CDK14: variants seen among roughly 807,000 people sequenced by gnomAD.
The protein encoded by CDK14 is cyclin dependent kinase 14, also known as cyclin-dependent kinase 14.
A neutral mutation model predicts 60.7 loss-of-function variants in CDK14; 34 were observed. The observed-to-expected ratio is 0.56, with a 90% CI of 0.43 to 0.75. CDK14 has a LOEUF of 0.75. Ranked by LOEUF, CDK14 falls within the 30% of genes least tolerant of loss-of-function variation. The pLI is 0.00. For synonymous variants in CDK14, 197 were observed against 203.7 expected, an observed-to-expected ratio of 0.97 and a Z score of 0.28; for missense variants, 482 against 564.1, an observed-to-expected ratio of 0.85 and a Z score of 1.47.
chr7:90,944,263 G>A (rs1794029182), intron 8 of CDK14, among the ~76,000 whole-genome samples: 1 of 152,136 alleles, frequency 6.6e-6, no homozygotes, highest in South Asian at 2.1e-4. Flanking sequence ...ACAAAAAAAT[G>A]GACTAAGACA....
chr7:90,806,628 C>G (rs6950853), intron 5 of CDK14, among the ~76,000 whole-genome samples: 30,904 of 152,186 alleles, frequency 0.2, 3,278 homozygotes, highest in South Asian at 0.24. Flanking sequence ...GTGCAGGACA[C>G]TGAGTGCAGT....
chr7:90,671,776 A>G (rs1011474393), intron 2 of CDK14, among the ~76,000 whole-genome samples: 1 of 152,238 alleles, frequency 6.6e-6, no homozygotes, highest in Non-Finnish European at 1.5e-5. Flanking sequence ...TGTGGTTATG[A>G]AACTTGCATA....
chr7:90,900,655 A>G (rs1023206694), intron 7 of CDK14, among the ~76,000 whole-genome samples: 4 of 152,078 alleles, frequency 2.6e-5, no homozygotes, highest in African/African-American at 9.7e-5. Context: ...TTGATCACCC[A>G]GCTAGTGAGA....
intron 14 of CDK14, among the ~76,000 whole-genome samples, chr7:91,127,539 C>T (rs925983915): frequency 6.6e-6 from 1 of 152,100 alleles, no homozygotes; most frequent in Non-Finnish European, 1.5e-5. Flanking sequence ...TCCGGATTCA[C>T]GTGCAGTCTC....
At chr7:91,029,254 G>A (rs984503768) in intron 10 of CDK14, among the ~76,000 whole-genome samples, 4 of 152,076 alleles carry the variant, frequency 2.6e-5, no homozygotes, top group African/African-American at 9.7e-5. Flanking sequence ...ATAATGTGGT[G>A]CCTCCAGCTT....
chr7:91,118,012 T>C (rs1401381175), intron 13 of CDK14, 53 bp from the exon 14 acceptor site: 10 of 1,029,254 alleles, frequency 9.7e-6, no homozygotes, highest in Non-Finnish European at 1.0e-5. Flanking sequence ...AAAAAAAACA[T>C]GATTATAAAT....
intron 2 of CDK14, among the ~76,000 whole-genome samples, chr7:90,659,875 CTGTGTGTGTGTG>C (rs149308809): frequency 7.7e-6 from 1 of 129,048 alleles, no homozygotes; most frequent in African/African-American, 3.0e-5. Flanking sequence ...CTCTCTCTCT[CTGTGTGTGTGTG>C]TGTGTGTGTG....
intron 2 of CDK14, among the ~76,000 whole-genome samples, chr7:90,705,431 C>T (rs1801876621): frequency 6.6e-6 from 1 of 152,058 alleles, no homozygotes; most frequent in Non-Finnish European, 1.5e-5. Context: ...TTTGGCCCCA[C>T]CTGTCCTTCA....
intron 9 of CDK14, among the ~76,000 whole-genome samples, chr7:90,956,516 A>G (rs964977075): frequency 6.6e-6 from 1 of 152,180 alleles, no homozygotes; most frequent in African/African-American, 2.4e-5. Context: ...ACTGTTGAAC[A>G]TATCTTTTAT....
chr7:91,140,689 A>G (rs1279161825), intron 14 of CDK14, among the ~76,000 whole-genome samples: 2 of 152,108 alleles, frequency 1.3e-5, no homozygotes, highest in East Asian at 1.9e-4. Context: ...CAGTTTTTCC[A>G]TCTATAAATC....
intron 14 of CDK14, among the ~76,000 whole-genome samples, chr7:91,123,829 G>T (rs1201800697): frequency 6.6e-6 from 1 of 151,966 alleles, no homozygotes; most frequent in East Asian, 1.9e-4. Context: ...CCACCTACTG[G>T]GATTGTCACA....
At chr7:91,000,844 GTAAC>G (rs1319895358) in intron 10 of CDK14, among the ~76,000 whole-genome samples, 2 of 152,166 alleles carry the variant, frequency 1.3e-5, no homozygotes, top group Non-Finnish European at 2.9e-5. Context: ...GGTCAACAGA[GTAAC>G]TAAGAGGATT....
intron 8 of CDK14, among the ~76,000 whole-genome samples, chr7:90,944,916 G>A (rs1794054901): frequency 6.6e-6 from 1 of 152,204 alleles, no homozygotes; most frequent in Non-Finnish European, 1.5e-5. Flanking sequence ...GCAAGTCAGG[G>A]AAGCTTCTGG....
At chr7:90,705,259 A>C (rs764817687) in intron 2 of CDK14, among the ~76,000 whole-genome samples, 2 of 151,818 alleles carry the variant, frequency 1.3e-5, no homozygotes, top group Admixed American at 6.6e-5. Context: ...TTCTTCCCTC[A>C]TATTTAAAAT....
chr7:91,071,255 C>T (rs11973841), intron 11 of CDK14, among the ~76,000 whole-genome samples: 1 of 152,150 alleles, frequency 6.6e-6, no homozygotes, highest in Non-Finnish European at 1.5e-5. Context: ...CCAAGATGGC[C>T]GACTAGAAGC....
chr7:91,162,576 A>G (rs1485581254), intron 14 of CDK14, among the ~76,000 whole-genome samples: 1 of 152,224 alleles, frequency 6.6e-6, no homozygotes, highest in Non-Finnish European at 1.5e-5. Flanking sequence ...AGTGACAAAG[A>G]GCAAAGGCCG....
chr7:90,813,040 GATAA>G (rs1332910279), intron 5 of CDK14, among the ~76,000 whole-genome samples: 1 of 152,150 alleles, frequency 6.6e-6, no homozygotes, highest in Admixed American at 6.5e-5. Flanking sequence ...CTGTTGAGTT[GATAA>G]ATAAAATATG....
chr7:90,640,228 T>G (rs1800291023), intron 2 of CDK14, among the ~76,000 whole-genome samples: 1 of 152,132 alleles, frequency 6.6e-6, no homozygotes, highest in Non-Finnish European at 1.5e-5. Context: ...CGCTGGGAGC[T>G]GTAGACCGGA....
At chr7:90,634,345 C>T (rs1800080143) in intron 2 of CDK14, among the ~76,000 whole-genome samples, 1 of 134,944 alleles carries the variant, frequency 7.4e-6, no homozygotes, top group South Asian at 2.3e-4. Flanking sequence ...TCCATGTGTT[C>T]TCATTGTTCA....
Sources: gnomAD v4.1 joint callset for allele counts (sites outside exome capture counted in the v4.1 genomes callset) on GRCh38, gnomAD v4.1.1 for gene constraint, MANE v1.5 for transcripts, NCBI Gene and HGNC (gene_info 2026-07-23, HGNC 2026-07-21) for gene names.